The following SYT13 variants were observed in gnomAD, a reference collection of about 807,000 sequenced individuals.
SYT13 encodes the protein synaptotagmin 13, also known as synaptotagmin-13.
A neutral mutation model predicts 38.6 loss-of-function variants in SYT13; 21 were observed. The ratio of observed to expected loss-of-function variants is 0.54; its 90% CI spans 0.39 to 0.78. SYT13 has a LOEUF of 0.78. Ranked by LOEUF, SYT13 falls within the 30% of genes least tolerant of loss-of-function variation. The probability of loss-of-function intolerance (pLI) is 0.00; values close to 1 mark genes in which losing one functional copy is unlikely to be tolerated. For missense variants in SYT13, 495 were observed against 548.7 expected (o/e 0.90, Z 0.98); for synonymous variants, 241 against 237.6 (o/e 1.01, Z -0.13).
intron 4 of SYT13, among the ~76,000 whole-genome samples, chr11:45,249,442 C>T (rs1404343033): frequency 1.3e-5 from 2 of 152,232 alleles, no homozygotes. Flanking sequence ...TATAAAGACA[C>T]ATACACACAT....
chr11:45,259,743 C>A lies in SYT13; in HGVS notation c.184-3852G>T, dbSNP rs1854793474. Among the ~76,000 whole-genome samples the A allele has an allele frequency of 2.6e-5, 4 of 152,118 alleles. No individual in the cohort carries two copies. In the South Asian group the frequency reaches 6.2e-4, roughly 24 times the overall value. ...GGGGTTGGCACCAGTCCTGGGGAAA[C>A]CAACCCAGATGGAAGGGAGGGACTT... On this transcript the variant is annotated intron_variant, in intron 1 of 5. Coordinates refer to ENST00000020926, the MANE Select transcript of SYT13 (RefSeq NM_020826.3).
chr11:45,276,174 G>A (rs967082280), intron 1 of SYT13, among the ~76,000 whole-genome samples: 1 of 152,152 alleles, frequency 6.6e-6, no homozygotes, highest in African/African-American at 2.4e-5. Flanking sequence ...CAAAGACTTG[G>A]AACCAACCCA....
chr11:45,283,031 C>T (rs572197924), intron 1 of SYT13, among the ~76,000 whole-genome samples: 307 of 152,228 alleles, frequency 2.0e-3, no homozygotes, highest in African/African-American at 7.1e-3. Context: ...GCCTGTATTC[C>T]CAGCTACATG....
rs530745755 is a variant in SYT13, at chr11:45,242,987, A to G, written c.*1065T>C. ...AAAATTATCTTTCTTCTCTACCTACATGTAGCCAGATGTCATAGACTAAGT... is the reference window on the plus strand; with the variant it reads ...AAAATTATCTTTCTTCTCTACCTACGTGTAGCCAGATGTCATAGACTAAGT... On this transcript the variant is annotated 3_prime_UTR_variant, in exon 6 of 6. Transcript: ENST00000020926. 1 of 152,188 alleles carries G rather than the reference A, an allele frequency of 6.6e-6. No homozygotes were observed. Among genetic ancestry groups the G allele is most frequent in the Non-Finnish European group, 1.5e-5 (1 of 68,030 alleles). 9.4% of individuals were successfully genotyped at this position (152,188 alleles called of 1,614,324 possible). A position where few individuals can be genotyped will look rare whatever the true frequency, so the allele number is the denominator to read the frequency against.
rs559653118 is a variant in SYT13 at position 45,252,441 on chromosome 11, C to T, written c.826G>A (p.Glu276Lys). 1.6e-4 allele frequency: 255 copies of T among 1,592,774 alleles called. 2 individuals are homozygous for T. The South Asian group carries it at 2.6e-3, about 16-fold the overall frequency. Reference sequence around the variant, plus strand: ...CCTACCTTCGCTGAAGTCTTCAGCTCGCCCCACTGGGCAGCCCCTAGAGGC... The same window carrying T: ...CCTACCTTCGCTGAAGTCTTCAGCTTGCCCCACTGGGCAGCCCCTAGAGGC... ...SVPLGAAQWGELKTSAKEPSA... is the reference protein window; with the variant it reads ...SVPLGAAQWGKLKTSAKEPSA... The change falls in exon 4 of 6, where the codon GAG becomes AAG. Residue 276 changes from glutamate to lysine, a missense_variant. By Grantham distance (56) the Glu-to-Lys change is moderately conservative. Coordinates refer to ENST00000020926, the MANE Select transcript of SYT13 (RefSeq NM_020826.3). The surrounding 1 kb of genome is among the most constrained non-coding windows in gnomAD (Gnocchi z 4.3).
At chr11:45,262,720 A>G (rs1162452349) in intron 1 of SYT13, among the ~76,000 whole-genome samples, 3 of 79,912 alleles carry the variant, frequency 3.8e-5, no homozygotes, top group South Asian at 4.5e-4. Context: ...GGGAGATCCT[A>G]TCACACACAC....
At position 45,242,918 on chromosome 11, in the gene SYT13, C is replaced by CAGA. The variant is rs1565371679; in HGVS notation, c.*1131_*1133dup. Reference sequence around the variant, plus strand: ...GGTTATTTACCCATTCAAGTGAAAACAGACAGAGGGAGGCACAGTTGCAAA... The same window carrying CAGA: ...GGTTATTTACCCATTCAAGTGAAAACAGAAGACAGAGGGAGGCACAGTTGCAAA... On this transcript the variant is annotated 3_prime_UTR_variant, in exon 6 of 6. Coordinates refer to ENST00000020926, the MANE Select transcript of SYT13 (RefSeq NM_020826.3). The CAGA allele has an allele frequency of 2.0e-5, 3 of 152,308 alleles. No homozygotes were observed. The highest frequency in any genetic ancestry group is 6.5e-5 in the Admixed American group (1 of 15,290). The allele number at this position is 152,308 out of a possible 1,614,324, so 9.4% of individuals were successfully genotyped here.
chr11:45,262,721 TCACACA>T (rs71451610), intron 1 of SYT13, among the ~76,000 whole-genome samples: 1,980 of 78,236 alleles, frequency 0.025, 52 homozygotes, highest in African/African-American at 0.062. Flanking sequence ...GGAGATCCTA[TCACACA>T]CACACACACA....
chr11:45,254,461 T>C (rs1413281198), intron 2 of SYT13, 57 bp from the exon 3 acceptor site: 14 of 1,577,260 alleles, frequency 8.9e-6, no homozygotes, highest in Non-Finnish European at 1.2e-5. Context: ...GCTTTCCTGA[T>C]TACACCTTTC....
intron 1 of SYT13, among the ~76,000 whole-genome samples, chr11:45,272,436 TG>T (rs1854960793): frequency 6.6e-6 from 1 of 152,226 alleles, no homozygotes; most frequent in Non-Finnish European, 1.5e-5. Context: ...GTGATTCTTC[TG>T]TGTGAATTTC....
chr11:45,282,345 G>A (rs1428047915), intron 1 of SYT13, among the ~76,000 whole-genome samples: 2 of 152,202 alleles, frequency 1.3e-5, no homozygotes, highest in Non-Finnish European at 2.9e-5. Context: ...AAAGGGTCCA[G>A]AGTGTATATT....
chr11:45,285,952 C>T (rs1478875259), intron 1 of SYT13, 73 bp downstream of exon 1: 6 of 1,549,094 alleles, frequency 3.9e-6, no homozygotes, highest in Non-Finnish European at 5.2e-6. Context: ...CGCCTCCCAC[C>T]CCAGTTCCCC....
At position 45,252,885 on chromosome 11, in the gene SYT13, C is replaced by T. The variant is rs935520476; in HGVS notation, c.545-163G>A. On this transcript the variant is annotated intron_variant, in intron 3 of 5. Coordinates refer to ENST00000020926, the MANE Select transcript of SYT13 (RefSeq NM_020826.3). This position sits in a 1 kb window ranked among gnomAD's most constrained non-coding sequence, Gnocchi z 4.3. Reference sequence around the variant, plus strand: ...ACCAGGGAATCGCCTTTCAGTGAGACATTTAGAAATAGATCATTTGAGGGG... The same window carrying T: ...ACCAGGGAATCGCCTTTCAGTGAGATATTTAGAAATAGATCATTTGAGGGG... Among the ~76,000 whole-genome samples the T allele has an allele frequency of 2.6e-5, 4 of 152,188 alleles. No individual in the cohort carries two copies. The highest frequency in any genetic ancestry group is 1.3e-4 in the Admixed American group (2 of 15,282).
At chr11:45,253,233 C>T (rs978883514) in intron 3 of SYT13, among the ~76,000 whole-genome samples, 24 of 152,152 alleles carry the variant, frequency 1.6e-4, no homozygotes, top group African/African-American at 4.8e-4. Flanking sequence ...TTCTGACTGG[C>T]TCTTCAGGGA....
At position 45,286,214 on chromosome 11, in the gene SYT13, C is replaced by G; in HGVS notation, c.-7G>C. On this transcript the variant is annotated 5_prime_UTR_variant, in exon 1 of 6. Transcript: ENST00000020926. Reference sequence around the variant, plus strand: ...CAGGCACCGACAGCACCATGGTGCCCGCTCCCGGCGAGGGGCTGGGTCCCG... The same window carrying G: ...CAGGCACCGACAGCACCATGGTGCCGGCTCCCGGCGAGGGGCTGGGTCCCG... The G allele has an allele frequency of 2.6e-6, 4 of 1,539,586 alleles. No individual in the cohort carries two copies. The highest frequency in any genetic ancestry group is 2.2e-4 in the Middle Eastern group (1 of 4,604).
At chr11:45,251,138 C>T (rs1394891441) in intron 4 of SYT13, among the ~76,000 whole-genome samples, 2 of 151,820 alleles carry the variant, frequency 1.3e-5, no homozygotes, top group Non-Finnish European at 2.9e-5. Context: ...GCCTGTAATC[C>T]CAGGACTTTG....
In SYT13 at chr11:45,266,972, G is replaced by A. The variant is rs193154317; in HGVS notation, c.184-11081C>T. On this transcript the variant is annotated intron_variant, in intron 1 of 5. Transcript: ENST00000020926. ...GATTTCTCACAGTCTGAAAAGGGCC[G>A]TTTATTTTCAAACTTAGGGTCCCAG... Among the ~76,000 whole-genome samples, 176 of 152,322 alleles carry A rather than the reference G, an allele frequency of 1.2e-3. 1 individual carries two copies. The highest frequency in any genetic ancestry group is 1.8e-4 in the Non-Finnish European group (12 of 68,024).
intron 1 of SYT13, among the ~76,000 whole-genome samples, chr11:45,269,250 T>A (rs1007032905): frequency 5.9e-5 from 9 of 151,960 alleles, no homozygotes; most frequent in African/African-American, 2.2e-4. Context: ...TAAAACCCAA[T>A]GAGAGGAGGA....
chr11:45,251,349 ACTGCACTCCAGC>A (rs1173454089), intron 4 of SYT13, among the ~76,000 whole-genome samples: 1 of 134,674 alleles, frequency 7.4e-6, no homozygotes, highest in East Asian at 2.1e-4. Flanking sequence ...AGATCGCGCC[ACTGCACTCCAGC>A]CTGGCAACAG....
Sources: allele counts gnomAD v4.1 joint callset (sites outside exome capture counted in the v4.1 genomes callset), GRCh38; gene constraint gnomAD v4.1.1; non-coding constraint Gnocchi (gnomAD v3.1); transcripts MANE v1.5; gene names NCBI Gene and HGNC (gene_info 2026-07-23, HGNC 2026-07-21).